Variants in PIP5K1A observed in about 807,000 individuals in gnomAD.
The protein encoded by PIP5K1A is phosphatidylinositol 4-phosphate 5-kinase type-1 alpha.
PIP5K1A carries 46 observed loss-of-function variants against 72.9 expected under a neutral mutation model. That is an observed-to-expected ratio of 0.63 (90% CI 0.50 to 0.81). The LOEUF is 0.81. Ranked by LOEUF, PIP5K1A falls within the 30% of genes least tolerant of loss-of-function variation. PIP5K1A has a pLI of 0.00. For synonymous variants in PIP5K1A, 228 were observed against 255.1 expected, an observed-to-expected ratio of 0.89 and a Z score of 1.01; for missense variants, 458 against 706.1, an observed-to-expected ratio of 0.65 and a Z score of 3.98.
At chr1:151,241,489 GC>G (rs1416668055) in intron 12 of PIP5K1A, among the ~76,000 whole-genome samples, 1 of 151,478 alleles carries the variant, frequency 6.6e-6, no homozygotes, top group East Asian at 2.0e-4. Context: ...GGGCGACAGA[GC>G]AAGACTCTCG....
intron 1 of PIP5K1A, among the ~76,000 whole-genome samples, chr1:151,211,585 A>G (rs1686796293): frequency 6.6e-6 from 1 of 151,912 alleles, no homozygotes; most frequent in East Asian, 1.9e-4. Flanking sequence ...TCACAAGGTC[A>G]GGAGATCGAG....
intron 8 of PIP5K1A, among the ~76,000 whole-genome samples, chr1:151,234,901 G>C (rs769960723): frequency 6.6e-6 from 1 of 152,074 alleles, no homozygotes; most frequent in South Asian, 2.1e-4. Flanking sequence ...TTTCAATATC[G>C]ATCTTCAGTC....
intron 7 of PIP5K1A, 77 bp from the exon 8 acceptor site, chr1:151,234,120 T>C (rs1690519730): frequency 8.6e-6 from 9 of 1,043,318 alleles, no homozygotes; most frequent in Non-Finnish European, 1.3e-5. Flanking sequence ...GGAGGATGGG[T>C]GGTAACTTTT....
intron 1 of PIP5K1A, among the ~76,000 whole-genome samples, chr1:151,203,740 C>G (rs907702269): frequency 6.6e-6 from 1 of 151,432 alleles, no homozygotes; most frequent in African/African-American, 2.4e-5. Context: ...AGGAGAATTG[C>G]TGGAACCCAG....
At chr1:151,222,724 A>G (rs984233798) in intron 1 of PIP5K1A, among the ~76,000 whole-genome samples, 1 of 152,094 alleles carries the variant, frequency 6.6e-6, no homozygotes, top group African/African-American at 2.4e-5. Flanking sequence ...TTTATTTTCA[A>G]CTGAAAGCAT....
At chr1:151,247,718 G>A (rs1238069720) in intron 15 of PIP5K1A, 145 bp from the exon 16 acceptor site, 39 of 649,744 alleles carry the variant, frequency 6.0e-5, no homozygotes, top group Admixed American at 1.4e-4. Context: ...GCCACCATGC[G>A]CGGCCGCCAT....
intron 9 of PIP5K1A, among the ~76,000 whole-genome samples, chr1:151,237,009 A>G (rs755088863): frequency 6.6e-5 from 10 of 151,844 alleles, no homozygotes; most frequent in Middle Eastern, 6.8e-3. Context: ...TTGTATTTTT[A>G]GTAGAGAAGG....
At chr1:151,228,237 C>T (rs150942968) in intron 4 of PIP5K1A, among the ~76,000 whole-genome samples, 1,975 of 152,094 alleles carry the variant, frequency 0.013, 21 homozygotes, top group Non-Finnish European at 0.019. Flanking sequence ...TTGTAACCTC[C>T]GACTCCTGGG....
At chr1:151,210,162 G>T (rs1296578233) in intron 1 of PIP5K1A, among the ~76,000 whole-genome samples, 3 of 151,790 alleles carry the variant, frequency 2.0e-5, no homozygotes, top group Admixed American at 1.3e-4. Context: ...GGGATTACAG[G>T]TGTGAGCCAC....
chr1:151,231,403 A>T (rs1183943240), intron 4 of PIP5K1A, among the ~76,000 whole-genome samples: 1 of 152,060 alleles, frequency 6.6e-6, no homozygotes, highest in Non-Finnish European at 1.5e-5. Context: ...GGCCAACAGG[A>T]GGGAGCACCT....
At position 151,239,182 on chromosome 1, in the gene PIP5K1A, A is replaced by T; in HGVS notation, c.1278+4A>T. On this transcript the variant is annotated splice_donor_region_variant and intron_variant, in intron 11 of 15. Coordinates refer to ENST00000368888, the MANE Select transcript of PIP5K1A (RefSeq NM_001135638.2). ...GAAAGCCCTGGTACATGACGGAGTAAGTAGTAATACTAGAGGCTCTCTTAC... is the reference window on the plus strand; with the variant it reads ...GAAAGCCCTGGTACATGACGGAGTATGTAGTAATACTAGAGGCTCTCTTAC... 1 of 1,593,696 alleles carries T rather than the reference A, an allele frequency of 6.3e-7. No individual in the cohort carries two copies. Among genetic ancestry groups the T allele is most frequent in the South Asian group, 1.1e-5 (1 of 90,548 alleles).
intron 11 of PIP5K1A, among the ~76,000 whole-genome samples, 184 bp from the exon 12 acceptor site, chr1:151,239,771 G>T (rs748746053): frequency 2.0e-5 from 3 of 152,056 alleles, no homozygotes; most frequent in Non-Finnish European, 2.9e-5. Flanking sequence ...CAGGTGATCC[G>T]CCCACCTCAG....
chr1:151,197,634 C>G (rs1684680059), upstream of PIP5K1A, among the ~76,000 whole-genome samples: 1 of 152,218 alleles, frequency 6.6e-6, no homozygotes, highest in African/African-American at 2.4e-5. Context: ...GAGGATCTAT[C>G]TGACCGACTC....
intron 7 of PIP5K1A, 145 bp from the exon 8 acceptor site, chr1:151,234,052 G>T: frequency 3.1e-6 from 2 of 646,472 alleles, no homozygotes; most frequent in Non-Finnish European, 5.6e-6. Flanking sequence ...GAAATGTAAA[G>T]CATATATGAT....
chr1:151,220,078 T>C (rs1417676210), intron 1 of PIP5K1A, among the ~76,000 whole-genome samples: 6 of 152,046 alleles, frequency 3.9e-5, no homozygotes, highest in Non-Finnish European at 7.4e-5. Flanking sequence ...CGATCTCAGC[T>C]CACTGCAATC....
At chr1:151,225,904 G>A (rs1689055751) in intron 3 of PIP5K1A, among the ~76,000 whole-genome samples, 1 of 151,112 alleles carries the variant, frequency 6.6e-6, no homozygotes, top group Admixed American at 6.6e-5. Context: ...AGCCTCCTGA[G>A]TAGCTGGGAT....
chr1:151,202,346 C>T (rs1206799335), intron 1 of PIP5K1A, among the ~76,000 whole-genome samples: 1 of 152,216 alleles, frequency 6.6e-6, no homozygotes, highest in Non-Finnish European at 1.5e-5. Flanking sequence ...TCTTGAATTT[C>T]TACAGGGCCA....
intron 14 of PIP5K1A, among the ~76,000 whole-genome samples, chr1:151,244,179 GA>G (rs587631659): frequency 0.014 from 1,494 of 103,942 alleles, 18 homozygotes; most frequent in African/African-American, 0.022. Flanking sequence ...AAAAAATACT[GA>G]AAAAAAAAAA....
chr1:151,199,697 G>A (rs1480959463), intron 1 of PIP5K1A, among the ~76,000 whole-genome samples: 3 of 152,008 alleles, frequency 2.0e-5, no homozygotes, highest in Non-Finnish European at 2.9e-5. Flanking sequence ...GGAGGCCTAA[G>A]AAGTAGAGAG....
Sources: gnomAD v4.1 joint callset for allele counts (sites outside exome capture counted in the v4.1 genomes callset) on GRCh38, gnomAD v4.1.1 for gene constraint, MANE v1.5 for transcripts, NCBI Gene and HGNC (gene_info 2026-07-23, HGNC 2026-07-21) for gene names.